FAM167A: variants seen among roughly 807,000 people sequenced by gnomAD.
FAM167A encodes protein FAM167A.
FAM167A carries 23 observed loss-of-function variants against 14.9 expected under a neutral mutation model. The observed-to-expected ratio is 1.55, with a 90% CI of 1.11 to 2.19. FAM167A has a LOEUF of 2.19. Ranked by LOEUF, FAM167A falls within the 30% of genes most tolerant of loss-of-function variation. FAM167A has a pLI of 0.00. For synonymous variants in FAM167A, 174 were observed against 117.7 expected (o/e 1.48, Z -3.10); for missense variants, 401 against 281.5 (o/e 1.42, Z -3.04).
At chr8:11,434,693 G>C (rs554773093) in intron 2 of FAM167A, 2 of 220,444 alleles carry the variant, frequency 9.1e-6, no homozygotes, top group African/African-American at 4.6e-5. Flanking sequence ...GATGCATTCC[G>C]AAGAGCCCCT....
Position 11,427,729 on chromosome 8 carries a change from A to C in FAM167A, c.382-3093T>G, listed in dbSNP as rs932843806. Among the ~76,000 whole-genome samples the C allele has an allele frequency of 5.9e-5, 9 of 152,354 alleles. No individual in the cohort carries two copies. In the South Asian group the frequency reaches 1.0e-3, roughly 18 times the overall value. On this transcript the variant is annotated intron_variant, in intron 2 of 2. Transcript: ENST00000284486. ...GATTTCATATATAAGAAAAATCAAGATAGAAAGTCTTGCTTGGGAGTCAGC... is the reference window on the plus strand; with the variant it reads ...GATTTCATATATAAGAAAAATCAAGCTAGAAAGTCTTGCTTGGGAGTCAGC...
rs1804751326 is a variant in FAM167A at position 11,421,823 on chromosome 8, G to T, written c.*2550C>A. 5.0e-6 allele frequency: 2 copies of T among 398,764 alleles called. No homozygotes were observed. The highest frequency in any genetic ancestry group is 4.4e-5 in the Admixed American group (1 of 22,732). 24.7% of individuals were successfully genotyped at this position (398,764 alleles called of 1,614,324 possible). ...ACTGCAAACAGCACTGTACACATGT[G>T]GTGAGCCAGGAGGCTGGGACGGAGG... On this transcript the variant is annotated 3_prime_UTR_variant, in exon 3 of 3. Transcript: ENST00000284486.
At chr8:11,435,021 G>C (rs1055251131) in intron 2 of FAM167A, 11 of 456,644 alleles carry the variant, frequency 2.4e-5, no homozygotes, top group Admixed American at 4.7e-5. Context: ...CCTCCTCCCT[G>C]CCTGCCTCCC....
chr8:11,429,151 C>G (rs1323990012), intron 2 of FAM167A, among the ~76,000 whole-genome samples: 8 of 152,206 alleles, frequency 5.3e-5, no homozygotes, highest in African/African-American at 1.4e-4. Context: ...CTGGCACCCA[C>G]CCTTCTACTT....
At chr8:11,452,521 G>A (rs1374384442) in intron 1 of FAM167A, among the ~76,000 whole-genome samples, 2 of 152,198 alleles carry the variant, frequency 1.3e-5, no homozygotes, top group Admixed American at 1.3e-4. Flanking sequence ...GAAGGAGTGA[G>A]CCTGTGGCTG....
At chr8:11,431,970 T>C (rs1437639246) in intron 2 of FAM167A, among the ~76,000 whole-genome samples, 1 of 148,080 alleles carries the variant, frequency 6.8e-6, no homozygotes, top group Non-Finnish European at 1.5e-5. Flanking sequence ...GTGACTCAAC[T>C]CTCAGTGTGG....
intron 2 of FAM167A, among the ~76,000 whole-genome samples, chr8:11,440,655 C>T (rs956796840): frequency 6.6e-6 from 1 of 152,188 alleles, no homozygotes; most frequent in Non-Finnish European, 1.5e-5. Context: ...TCAAAACTCC[C>T]TTTAAGTTAC....
At chr8:11,457,951 CA>C (rs1204130196) in intron 1 of FAM167A, among the ~76,000 whole-genome samples, 1 of 152,212 alleles carries the variant, frequency 6.6e-6, no homozygotes, top group Non-Finnish European at 1.5e-5. Context: ...GACACTGCTG[CA>C]CCTTTTGTGT....
chr8:11,467,722 A>T (rs1807829243), upstream of FAM167A: 1 of 152,404 alleles, frequency 6.6e-6, no homozygotes. Flanking sequence ...GTGGGGTCTT[A>T]GCCCCTGCAG....
chr8:11,456,354 C>G (rs1167426322), intron 1 of FAM167A, among the ~76,000 whole-genome samples: 1 of 11,212 alleles, frequency 8.9e-5, no homozygotes, highest in Non-Finnish European at 1.9e-4. Context: ...GGTTGCCCTG[C>G]TGGGTGTGTG....
rs895434813 is a variant in FAM167A, at chr8:11,422,471, G to C, written c.*1902C>G. The C allele has an allele frequency of 6.6e-6, 1 of 152,544 alleles. No individual in the cohort carries two copies. The highest frequency in any genetic ancestry group is 2.4e-5 in the African/African-American group (1 of 41,332). The allele number at this position is 152,544 out of a possible 1,614,324, so 9.4% of individuals were successfully genotyped here. A position where few individuals can be genotyped will look rare whatever the true frequency, so the allele number is the denominator to read the frequency against. ...TGGCAGGAAAGGAATGCGTCTTCAG[G>C]ACTTGGCAGTGTTTGTGCAGAGCTC... On this transcript the variant is annotated 3_prime_UTR_variant, in exon 3 of 3. Transcript: ENST00000284486.
At chr8:11,474,493 C>T (rs1041190567) in intron 1 of FAM167A, 2 of 152,178 alleles carry the variant, frequency 1.3e-5, no homozygotes, top group Admixed American at 6.5e-5. Context: ...CCAACCTGGT[C>T]AGCTGCCAGG....
Position 11,423,882 on chromosome 8 carries a change from T to G in FAM167A, c.*491A>C. ...GTAGCTCCCTGTCAATGTTGCTGAGTCATGTACTTAGGGTGAATTTGAGAC... is the reference window on the plus strand; with the variant it reads ...GTAGCTCCCTGTCAATGTTGCTGAGGCATGTACTTAGGGTGAATTTGAGAC... On this transcript the variant is annotated 3_prime_UTR_variant, in exon 3 of 3. Transcript: ENST00000284486. 1 of 164,082 alleles carries G rather than the reference T, an allele frequency of 6.1e-6. No homozygotes were observed. The highest frequency in any genetic ancestry group is 1.3e-5 in the Non-Finnish European group (1 of 74,260). The allele number at this position is 164,082 out of a possible 1,614,324, so 10.2% of individuals were successfully genotyped here. A position where few individuals can be genotyped will look rare whatever the true frequency, so the allele number is the denominator to read the frequency against.
intron 1 of FAM167A, among the ~76,000 whole-genome samples, chr8:11,461,682 T>C (rs541834900): frequency 1.3e-5 from 2 of 152,326 alleles, no homozygotes; most frequent in South Asian, 4.1e-4. Context: ...GGCCTCAGCC[T>C]CCAAACAAGG....
chr8:11,472,195 G>C (rs1360912621), upstream of FAM167A, among the ~76,000 whole-genome samples: 1 of 152,136 alleles, frequency 6.6e-6, no homozygotes, highest in Non-Finnish European at 1.5e-5. Context: ...TGTTTAAGGA[G>C]CAGATTACGC....
At chr8:11,466,266 C>A (rs1284700257) in intron 1 of FAM167A, among the ~76,000 whole-genome samples, 1 of 152,236 alleles carries the variant, frequency 6.6e-6, no homozygotes, top group Non-Finnish European at 1.5e-5. Context: ...TTGGAGGTCA[C>A]CAGCCGCCTG....
intron 2 of FAM167A, among the ~76,000 whole-genome samples, chr8:11,436,845 C>G (rs2409765): frequency 0.016 from 2,453 of 152,232 alleles, 74 homozygotes; most frequent in African/African-American, 0.055. Flanking sequence ...CGAGAACCAG[C>G]TAGGAAGGTG....
chr8:11,431,748 G>A (rs1456587499), intron 2 of FAM167A, among the ~76,000 whole-genome samples: 1 of 151,872 alleles, frequency 6.6e-6, no homozygotes, highest in African/African-American at 2.4e-5. Flanking sequence ...CTGGACAGTT[G>A]GAGGGTGGTC....
intron 2 of FAM167A, among the ~76,000 whole-genome samples, chr8:11,427,771 A>G (rs539678697): frequency 2.5e-4 from 38 of 152,334 alleles, no homozygotes; most frequent in African/African-American, 8.7e-4. Flanking sequence ...TCTAATGGCA[A>G]AATTGGGATT....
Sources: allele counts gnomAD v4.1 joint callset (sites outside exome capture counted in the v4.1 genomes callset), GRCh38; gene constraint gnomAD v4.1.1; transcripts MANE v1.5; gene names NCBI Gene and HGNC (gene_info 2026-07-23, HGNC 2026-07-21).